Variants in UNC80 observed in about 807,000 individuals in gnomAD.
The protein encoded by UNC80 is unc-80 subunit of NALCN channel complex, also known as protein unc-80 homolog.
Under a neutral mutation model 384.6 loss-of-function variants are expected in UNC80, and 164 were observed. The observed-to-expected ratio is 0.43, with a 90% CI of 0.38 to 0.49. UNC80 has a LOEUF of 0.49. Among genes scored for constraint, UNC80 ranks in the 20% least tolerant of loss-of-function variants. UNC80 has a pLI of 0.00. For missense variants in UNC80, 3,330 were observed against 4,143.0 expected (o/e 0.80, Z 5.39); for synonymous variants, 1,486 against 1,527.8 (o/e 0.97, Z 0.64).
chr2:209,925,106 G>C (rs1422950794), intron 35 of UNC80, among the ~76,000 whole-genome samples: 1 of 149,448 alleles, frequency 6.7e-6, no homozygotes, highest in Admixed American at 6.6e-5. Flanking sequence ...TTTTTTTGTT[G>C]TTTTTTTAAT....
At chr2:209,873,655 G>C (rs180875357) in intron 23 of UNC80, among the ~76,000 whole-genome samples, 221 of 152,246 alleles carry the variant, frequency 1.5e-3, no homozygotes, top group African/African-American at 5.1e-3. Flanking sequence ...CCAAGTTTCT[G>C]CTAATTTTAG....
intron 14 of UNC80, among the ~76,000 whole-genome samples, chr2:209,827,700 C>CTAAACAT (rs1553535229): frequency 6.6e-6 from 1 of 152,152 alleles, no homozygotes; most frequent in Non-Finnish European, 1.5e-5. Context: ...GTTCCAGAAG[C>CTAAACAT]TAAACATTTT....
At chr2:209,950,700 A>G (rs1300125050) in intron 47 of UNC80, among the ~76,000 whole-genome samples, 1 of 151,894 alleles carries the variant, frequency 6.6e-6, no homozygotes, top group Non-Finnish European at 1.5e-5. Flanking sequence ...CTGGGATTAC[A>G]GGCATGTGCC....
chr2:209,873,840 C>A (rs1559240314), intron 23 of UNC80, among the ~76,000 whole-genome samples: 1 of 152,084 alleles, frequency 6.6e-6, no homozygotes, highest in African/African-American at 2.4e-5. Flanking sequence ...TTGCAAAGTG[C>A]CAAAGTTATT....
At chr2:209,911,922 A>G (rs2088992634) in intron 29 of UNC80, among the ~76,000 whole-genome samples, 1 of 152,166 alleles carries the variant, frequency 6.6e-6, no homozygotes, top group African/African-American at 2.4e-5. Flanking sequence ...TGAGGAGACA[A>G]TTTTTAAGAA....
At chr2:209,991,579 T>G (rs1441112940) in intron 61 of UNC80, among the ~76,000 whole-genome samples, 1 of 152,212 alleles carries the variant, frequency 6.6e-6, no homozygotes, top group African/African-American at 2.4e-5. Flanking sequence ...AGCTATACTT[T>G]GCCAGCCTTT....
intron 14 of UNC80, 31 bp from the exon 15 acceptor site, chr2:209,829,201 T>C: frequency 6.5e-7 from 1 of 1,550,106 alleles, no homozygotes; most frequent in African/African-American, 1.4e-5. Flanking sequence ...CTGGTACTTG[T>C]GACTTTTTCA....
chr2:209,988,754 G>A (rs1217843717), intron 61 of UNC80, among the ~76,000 whole-genome samples: 1 of 152,088 alleles, frequency 6.6e-6, no homozygotes, highest in Non-Finnish European at 1.5e-5. Context: ...CAAAAAAGAT[G>A]CTTTTGGTTT....
intron 7 of UNC80, chr2:209,809,244 C>T (rs2079153179): frequency 2.8e-6 from 2 of 711,974 alleles, no homozygotes; most frequent in Non-Finnish European, 2.6e-6. Flanking sequence ...TTCAAAAAGC[C>T]TTCAACTGCC....
At chr2:209,925,019 C>T (rs570424923) in intron 35 of UNC80, among the ~76,000 whole-genome samples, 2 of 151,988 alleles carry the variant, frequency 1.3e-5, no homozygotes, top group African/African-American at 4.8e-5. Context: ...TTTCAAGGCT[C>T]CTAAGGACCT....
intron 22 of UNC80, among the ~76,000 whole-genome samples, chr2:209,868,365 A>G (rs985256186): frequency 1.3e-5 from 2 of 152,176 alleles, no homozygotes; most frequent in African/African-American, 2.4e-5. Flanking sequence ...GTTAGTTTCT[A>G]TCTAGTGTTA....
intron 4 of UNC80, among the ~76,000 whole-genome samples, chr2:209,783,601 A>G (rs1262506602): frequency 6.6e-6 from 1 of 152,188 alleles, no homozygotes; most frequent in Non-Finnish European, 1.5e-5. Flanking sequence ...TTGGAGATGT[A>G]TTTAGTAAAA....
At chr2:209,978,417 G>A in intron 58 of UNC80, 112 bp from the exon 59 acceptor site, 2 of 899,466 alleles carry the variant, frequency 2.2e-6, no homozygotes, top group South Asian at 5.2e-5. Context: ...ATTTGTCTGG[G>A]ACACATTATT....
chr2:209,988,741 T>C (rs1442678325), intron 61 of UNC80, among the ~76,000 whole-genome samples: 1 of 152,138 alleles, frequency 6.6e-6, no homozygotes, highest in African/African-American at 2.4e-5. Flanking sequence ...CTTCCTTGCA[T>C]TTCAAAAAAG....
intron 60 of UNC80, 56 bp from the exon 61 acceptor site, chr2:209,984,800 C>CTTTTTTT: frequency 6.2e-6 from 7 of 1,137,894 alleles, no homozygotes; most frequent in Middle Eastern, 2.3e-4. Flanking sequence ...TTTCTTTTTT[C>CTTTTTTT]TTTTTTTTTT....
chr2:209,807,387 C>T lies in UNC80; in HGVS notation c.939-6193C>T, dbSNP rs548665829. Among the ~76,000 whole-genome samples the T allele has an allele frequency of 7.3e-5, 9 of 122,890 alleles. No individual in the cohort carries two copies. The South Asian group carries it at 1.1e-3, about 14-fold the overall frequency. The allele number at this position is 122,890 out of a possible 152,430, so 80.6% of individuals were successfully genotyped here. A position where few individuals can be genotyped will look rare whatever the true frequency, so the allele number is the denominator to read the frequency against. The stretch of plus-strand genomic sequence containing the variant: ...TCATTTTTTTTTTTTTTTTTTGAGA[C>T]GGAGTCTTGCTGTGTCGCCCAGGCT... On this transcript the variant is annotated intron_variant, in intron 7 of 64. Coordinates refer to ENST00000673920, the MANE Select transcript of UNC80 (RefSeq NM_001371986.1).
intron 31 of UNC80, 50 bp downstream of exon 31, chr2:209,913,990 G>C: frequency 6.7e-7 from 1 of 1,487,490 alleles, no homozygotes; most frequent in African/African-American, 1.4e-5. Flanking sequence ...TGCTGTTACT[G>C]ATCCAAGTGT....
At chr2:209,945,290 A>T in intron 46 of UNC80, 101 bp downstream of exon 46, 2 of 1,185,306 alleles carry the variant, frequency 1.7e-6, no homozygotes, top group Non-Finnish European at 2.2e-6. Context: ...ATGTGTGTGT[A>T]TATATAACTA....
intron 29 of UNC80, among the ~76,000 whole-genome samples, chr2:209,907,104 A>C (rs1487778667): frequency 7.2e-5 from 11 of 152,174 alleles, no homozygotes; most frequent in Non-Finnish European, 1.0e-4. Context: ...GCAGATGGAC[A>C]CTAAATGTTA....
Sources: allele counts gnomAD v4.1 joint callset (sites outside exome capture counted in the v4.1 genomes callset), GRCh38; gene constraint gnomAD v4.1.1; transcripts MANE v1.5; gene names NCBI Gene and HGNC (gene_info 2026-07-23, HGNC 2026-07-21).